TBC1D9B: variants seen among roughly 807,000 people sequenced by gnomAD.
The protein encoded by TBC1D9B is TBC1 domain family member 9B, also known as TBC1 domain family, member 9B (with GRAM domain).
TBC1D9B carries 87 observed loss-of-function variants against 121.1 expected under a neutral mutation model. The ratio of observed to expected loss-of-function variants is 0.72; its 90% confidence interval spans 0.60 to 0.86. The LOEUF is 0.86. Ranked by LOEUF, TBC1D9B falls within the 40% of genes least tolerant of loss-of-function variation. The pLI is 0.00. For missense variants in TBC1D9B, 1,540 were observed against 1,628.6 expected (o/e 0.95, Z 0.94); for synonymous variants, 668 against 670.1 (o/e 1.00, Z 0.05).
intron 18 of TBC1D9B, chr5:179,867,529 A>C (rs1246799592): frequency 6.4e-7 from 1 of 1,555,280 alleles, no homozygotes; most frequent in South Asian, 1.2e-5. Context: ...GCAGAGGGGC[A>C]GAGTGGGGAG....
chr5:179,899,153 G>T, intron 3 of TBC1D9B, 36 bp downstream of exon 3: 2 of 1,542,338 alleles, frequency 1.3e-6, no homozygotes, highest in Non-Finnish European at 1.8e-6. Flanking sequence ...GCTGGCCAGG[G>T]AAGGGTGAGA....
chr5:179,904,750 T>C lies in TBC1D9B; in HGVS notation c.181A>G (p.Ile61Val). The C allele has an allele frequency of 6.3e-7, 1 of 1,581,082 alleles. No individual in the cohort carries two copies. Among genetic ancestry groups the C allele is most frequent in the Non-Finnish European group, 8.6e-7 (1 of 1,163,824 alleles). ...TGGGAGTCCTGGGTCTGGTGCAGGA[T>C]GCGGTAAGGGGCCACGCGGGCACTG... is the stretch of plus-strand genomic sequence containing the variant. ...DSSARVAPYR[I>V]LHQTQDSQVY... Residue 61 changes from isoleucine to valine, a missense_variant, in exon 2 of 21, where the codon ATC becomes GTC. Physicochemically the swap from Ile to Val is conservative, Grantham distance 29. Coordinates refer to ENST00000355235, the MANE Select transcript of TBC1D9B (RefSeq NM_015043.4). This position sits in a 1 kb window ranked among gnomAD's most constrained non-coding sequence, Gnocchi z 4.2.
chr5:179,900,774 C>T (rs1173120671), intron 2 of TBC1D9B, among the ~76,000 whole-genome samples: 1 of 152,226 alleles, frequency 6.6e-6, no homozygotes, highest in Admixed American at 6.5e-5. Flanking sequence ...CACGGATCTC[C>T]TTCACAAGGC....
chr5:179,906,935 AG>A (rs1204056029), intron 1 of TBC1D9B, among the ~76,000 whole-genome samples: 1 of 152,212 alleles, frequency 6.6e-6, no homozygotes, highest in Non-Finnish European at 1.5e-5. Flanking sequence ...TGCTGGGCGC[AG>A]GCCCTGGAGC....
intron 14 of TBC1D9B, 25 bp downstream of exon 14, chr5:179,872,864 CCCT>C: frequency 7.6e-6 from 12 of 1,579,692 alleles, no homozygotes; most frequent in East Asian, 2.3e-5. Context: ...CCAGCCCAGC[CCCT>C]GCCCAGCCCT....
In TBC1D9B at chr5:179,893,335, G is replaced by A; in HGVS notation, c.710C>T (p.Thr237Ile). The A allele has an allele frequency of 6.2e-7, 1 of 1,614,166 alleles. No individual in the cohort carries two copies. The highest frequency in any genetic ancestry group is 8.5e-7 in the Non-Finnish European group (1 of 1,180,038). The change falls in exon 5 of 21, where the codon ACC becomes ATC. Residue 237 changes from threonine to isoleucine, a missense_variant. Transcript: ENST00000355235. ...GGCCAACTGCTCCATGAGCTTGAAGGTCTCGCCGATGTTGAGGAACATGGA... is the reference window on the plus strand; with the variant it reads ...GGCCAACTGCTCCATGAGCTTGAAGATCTCGCCGATGTTGAGGAACATGGA... ...FFSMFLNIGE[T>I]FKLMEQLANL... is the part of the protein sequence containing the mutation.
In TBC1D9B at chr5:179,885,811, G is replaced by A. The variant is rs79957897; in HGVS notation, c.1254+2292C>T. ...AACCCCATTAACACGTAAACAGGTC[G>A]TGCCCTCCTCTGGTCATGACTCTTC... On this transcript the variant is annotated intron_variant, in intron 7 of 20. Transcript: ENST00000355235. This position sits in a 1 kb window ranked among gnomAD's most constrained non-coding sequence, Gnocchi z 4.5. 0.048 allele frequency among the ~76,000 whole-genome samples: 7,345 copies of A among 152,166 alleles called. 600 individuals carry two copies. Among genetic ancestry groups the A allele is most frequent in the African/African-American group, 0.17 (6,875 of 41,466 alleles).
At chr5:179,905,919 G>A (rs924093916) in intron 1 of TBC1D9B, among the ~76,000 whole-genome samples, 2 of 152,042 alleles carry the variant, frequency 1.3e-5, no homozygotes, top group Admixed American at 6.5e-5. Context: ...TCGCTCTGTC[G>A]CCCAAGGTGG....
chr5:179,879,436 A>G (rs951458531), intron 8 of TBC1D9B, 192 bp downstream of exon 8: 6 of 1,033,882 alleles, frequency 5.8e-6, no homozygotes, highest in Middle Eastern at 3.2e-4. Context: ...CAAACAGCAC[A>G]CTGAGCAGGT....
rs1374170695 is a variant in TBC1D9B at position 179,874,512 on chromosome 5, C to A, written c.2186+390G>T. On this transcript the variant is annotated intron_variant, in intron 12 of 20. Transcript: ENST00000355235. The surrounding 1 kb of genome is among the most constrained non-coding windows in gnomAD (Gnocchi z 4.3). Reference sequence around the variant, plus strand: ...GCCTGCTCCCTCCAGGGCATGGGGGCTGCAATGCAGCTGAGCTTGGAGAGG... The same window carrying A: ...GCCTGCTCCCTCCAGGGCATGGGGGATGCAATGCAGCTGAGCTTGGAGAGG... Among the ~76,000 whole-genome samples the A allele has an allele frequency of 1.3e-5, 2 of 152,200 alleles. No individual in the cohort carries two copies. The highest frequency in any genetic ancestry group is 2.4e-5 in the African/African-American group (1 of 41,452).
chr5:179,901,396 T>C (rs569595933), intron 2 of TBC1D9B, among the ~76,000 whole-genome samples: 2 of 152,236 alleles, frequency 1.3e-5, no homozygotes, highest in Non-Finnish European at 2.9e-5. Flanking sequence ...GCAACTCTAC[T>C]GTATTATTTT....
At position 179,906,399 on chromosome 5, in the gene TBC1D9B, C is replaced by T. The variant is rs547087329; in HGVS notation, c.118+1305G>A. On this transcript the variant is annotated intron_variant, in intron 1 of 20. Coordinates refer to ENST00000355235, the MANE Select transcript of TBC1D9B (RefSeq NM_015043.4). ...CCCGCAGGAAGGAGGTGTACAGAGA[C>T]CGGGCTGCACCTGCACCCGCCCGTT... Among the ~76,000 whole-genome samples the T allele has an allele frequency of 5.3e-5, 8 of 152,292 alleles. No individual in the cohort carries two copies. In the East Asian group the frequency reaches 1.2e-3, roughly 22 times the overall value.
Position 179,865,130 on chromosome 5 carries a change from C to G in TBC1D9B, c.3021+124G>C. On this transcript the variant is annotated intron_variant, in intron 20 of 20. Coordinates refer to ENST00000355235, the MANE Select transcript of TBC1D9B (RefSeq NM_015043.4). The surrounding 1 kb of genome is among the most constrained non-coding windows in gnomAD (Gnocchi z 5.1). Reference sequence around the variant, plus strand: ...GACTGGCAACCAGGACTAACGGGCTCTAGAGGCAGGGAGGAGCCTTCCCAC... The same window carrying G: ...GACTGGCAACCAGGACTAACGGGCTGTAGAGGCAGGGAGGAGCCTTCCCAC... The G allele has an allele frequency of 1.1e-6, 1 of 890,050 alleles. No homozygotes were observed. Among genetic ancestry groups the G allele is most frequent in the South Asian group, 1.5e-5 (1 of 67,010 alleles). 55.1% of individuals were successfully genotyped at this position (890,050 alleles called of 1,614,324 possible).
intron 3 of TBC1D9B, among the ~76,000 whole-genome samples, chr5:179,897,907 G>C (rs1001788938): frequency 6.6e-6 from 1 of 152,176 alleles, no homozygotes; most frequent in African/African-American, 2.4e-5. Context: ...GGAAGTTCTG[G>C]TATCAGGAAT....
In TBC1D9B at chr5:179,864,214, C is replaced by T. The variant is rs1759939281; in HGVS notation, c.3022-86G>A. 18 of 1,354,246 alleles carry T rather than the reference C, an allele frequency of 1.3e-5. No homozygotes were observed. In the Admixed American group the frequency reaches 2.0e-4, roughly 15 times the overall value. The allele number at this position is 1,354,246 out of a possible 1,614,324, so 83.9% of individuals were successfully genotyped here. A position where few individuals can be genotyped will look rare whatever the true frequency, so the allele number is the denominator to read the frequency against. ...TATTAGCCAAACTGATGACAAGCAC[C>T]AGCCTAAGGATGTTGGCTGCCGTCT... is the stretch of plus-strand genomic sequence containing the variant. On this transcript the variant is annotated intron_variant, in intron 20 of 20. Coordinates refer to ENST00000355235, the MANE Select transcript of TBC1D9B (RefSeq NM_015043.4).
intron 10 of TBC1D9B, 102 bp from the exon 11 acceptor site, chr5:179,876,139 C>A (rs1760354452): frequency 3.8e-6 from 3 of 795,984 alleles, no homozygotes; most frequent in Non-Finnish European, 5.8e-6. Context: ...CAAGGGCCCA[C>A]ATGATCTTCT....
Position 179,904,782 on chromosome 5 carries a change from A to C in TBC1D9B, c.149T>G (p.Leu50Arg). Residue 50 changes from leucine (L) to arginine (R), a missense_variant, in exon 2 of 21, where the codon CTG (leucine) becomes CGG (arginine). By Grantham distance (102) the Leu-to-Arg change is moderately radical. Coordinates refer to ENST00000355235, the MANE Select transcript of TBC1D9B (RefSeq NM_015043.4). This position sits in a 1 kb window ranked among gnomAD's most constrained non-coding sequence, Gnocchi z 4.2. ...AGGGGCCACGCGGGCACTGGAGTCC[A>C]GCACCACGTCCAGGGTGCCCACGAG... ...GLLVGTLDVV[L>R]DSSARVAPYR... is the part of the protein sequence containing the mutation. 1.3e-6 allele frequency: 2 copies of C among 1,572,176 alleles called. No individual in the cohort carries two copies. The highest frequency in any genetic ancestry group is 1.7e-6 in the Non-Finnish European group (2 of 1,158,622).
Position 179,890,249 on chromosome 5 carries a change from C to G in TBC1D9B, c.1044+1130G>C, listed in dbSNP as rs1308811488. 6.6e-6 allele frequency among the ~76,000 whole-genome samples: 1 copy of G among 152,210 alleles called. No individual in the cohort carries two copies. The highest frequency in any genetic ancestry group is 1.5e-5 in the Non-Finnish European group (1 of 68,038). ...GCTGGGCAGGCGGCCCCCACCCTGACCAGCTGCAGAGTTCCATCACCAGAG... is the reference window on the plus strand; with the variant it reads ...GCTGGGCAGGCGGCCCCCACCCTGAGCAGCTGCAGAGTTCCATCACCAGAG... On this transcript the variant is annotated intron_variant, in intron 6 of 20. Coordinates refer to ENST00000355235, the MANE Select transcript of TBC1D9B (RefSeq NM_015043.4). The surrounding 1 kb of genome is among the most constrained non-coding windows in gnomAD (Gnocchi z 5.0).
chr5:179,907,875 G>A lies in TBC1D9B; in HGVS notation c.-54C>T, dbSNP rs1220307886. 9.2e-6 allele frequency: 9 copies of A among 982,198 alleles called. No homozygotes were observed. The highest frequency in any genetic ancestry group is 1.1e-5 in the Non-Finnish European group (9 of 818,238). 60.8% of individuals were successfully genotyped at this position (982,198 alleles called of 1,614,324 possible). On this transcript the variant is annotated 5_prime_UTR_variant, in exon 1 of 21. In the 5' UTR this introduces an upstream ATG that the reference lacks. Coordinates refer to ENST00000355235, the MANE Select transcript of TBC1D9B (RefSeq NM_015043.4). The surrounding 1 kb of genome is among the most constrained non-coding windows in gnomAD (Gnocchi z 5.3). ...CCGCGAGACGGAAGCGCCCGCCGCC[G>A]TCGGCGTCCCGGAGCGGAGCGTGCG...
Sources: gnomAD v4.1 joint callset for allele counts (sites outside exome capture counted in the v4.1 genomes callset) on GRCh38, gnomAD v4.1.1 for gene constraint, Gnocchi (gnomAD v3.1) non-coding constraint, MANE v1.5 for transcripts, NCBI Gene and HGNC (gene_info 2026-07-23, HGNC 2026-07-21) for gene names.